ABCC4: variants seen among roughly 807,000 people sequenced by gnomAD.
ABCC4 encodes the protein ATP binding cassette subfamily C member 4 (PEL blood group).
In ABCC4, 102 loss-of-function variants were observed where a neutral mutation model predicts 168.5. That is an observed-to-expected ratio of 0.61 (90% CI 0.52 to 0.71). The LOEUF (loss-of-function observed/expected upper bound fraction) is 0.71. Among genes scored for constraint, ABCC4 ranks in the 30% least tolerant of loss-of-function variants. The pLI is 0.00. For missense variants in ABCC4, 1,402 were observed against 1,605.8 expected, an observed-to-expected ratio of 0.87 and a Z score of 2.17; for synonymous variants, 617 against 590.7, an observed-to-expected ratio of 1.04 and a Z score of -0.65.
intron 20 of ABCC4, among the ~76,000 whole-genome samples, chr13:95,096,980 C>T (rs1479473105): frequency 6.6e-6 from 1 of 152,022 alleles, no homozygotes; most frequent in African/African-American, 2.4e-5. Flanking sequence ...TTATTTAAAG[C>T]AAAATGGACC....
chr13:95,037,452 A>T (rs2032170647), intron 29 of ABCC4, among the ~76,000 whole-genome samples: 1 of 152,236 alleles, frequency 6.6e-6, no homozygotes, highest in South Asian at 2.1e-4. Context: ...AGATTCAAAG[A>T]TGAGCAAGAA....
intron 26 of ABCC4, among the ~76,000 whole-genome samples, chr13:95,061,743 G>C (rs1342022723): frequency 3.3e-5 from 5 of 152,006 alleles, no homozygotes; most frequent in East Asian, 3.9e-4. Context: ...ATATGTGGAG[G>C]TGTTAAAGTG....
At position 95,083,183 on chromosome 13, in the gene ABCC4, A is replaced by G. The variant is rs749012655; in HGVS notation, c.2643T>C (p.Tyr881=). 1 of 1,614,090 alleles carries G rather than the reference A, an allele frequency of 6.2e-7. No homozygotes were observed. Among genetic ancestry groups the G allele is most frequent in the Non-Finnish European group, 8.5e-7 (1 of 1,179,976 alleles). The change falls in exon 21 of 31, where the codon TAT becomes TAC. Residue 881 remains tyrosine, a synonymous_variant. Coordinates refer to ENST00000645237, the MANE Select transcript of ABCC4 (RefSeq NM_005845.5). The part of the protein sequence containing the change: ...LGIIFIFLRR[Y]FLETSRDVKR... The stretch of plus-strand genomic sequence containing the variant: ...TCACATCTCTTGACGTTTCCAAAAA[A>G]TATCGCCGAAGAAAAATGAAAATGA...
chr13:95,218,204 T>C (rs1388166355), intron 4 of ABCC4, among the ~76,000 whole-genome samples: 2 of 152,242 alleles, frequency 1.3e-5, no homozygotes, highest in Non-Finnish European at 1.5e-5. Flanking sequence ...GTTTAATCAC[T>C]TGAAGCAGAA....
intron 1 of ABCC4, chr13:95,269,417 C>T (rs1670932918): frequency 4.1e-6 from 1 of 241,484 alleles, no homozygotes; most frequent in Non-Finnish European, 7.7e-6. Context: ...CACAGCGAGA[C>T]TCCATCTCAA....
At chr13:95,210,092 A>C (rs1039870709) in intron 5 of ABCC4, among the ~76,000 whole-genome samples, 8 of 152,234 alleles carry the variant, frequency 5.3e-5, no homozygotes, top group Non-Finnish European at 7.3e-5. Context: ...ATGAATGAAT[A>C]ATTGGAAAAA....
intron 4 of ABCC4, among the ~76,000 whole-genome samples, chr13:95,231,152 G>A (rs2039610306): frequency 6.6e-6 from 1 of 152,260 alleles, no homozygotes; most frequent in Non-Finnish European, 1.5e-5. Flanking sequence ...GTGCCTAATG[G>A]GTACAGAGTT....
chr13:95,170,595 T>C lies in ABCC4; in HGVS notation c.1761A>G (p.Thr587=). The C allele has an allele frequency of 6.2e-7, 1 of 1,612,210 alleles. No individual in the cohort carries two copies. The highest frequency in any genetic ancestry group is 8.5e-7 in the Non-Finnish European group (1 of 1,179,640). The change falls in exon 14 of 31, where the codon ACA becomes ACG. Residue 587 remains threonine, a synonymous_variant. Coordinates refer to ENST00000645237, the MANE Select transcript of ABCC4 (RefSeq NM_005845.5). ...ACTGCAACTGATGAGTCACTAAAAT[T>C]GTGATCTTCTCATGCAAAATTTGAC... is the stretch of plus-strand genomic sequence containing the variant. The part of the protein sequence containing the change: ...CICQILHEKI[T]ILVTHQLQYL...
At chr13:95,222,770 T>A (rs2039343376) in intron 4 of ABCC4, among the ~76,000 whole-genome samples, 1 of 152,164 alleles carries the variant, frequency 6.6e-6, no homozygotes, top group African/African-American at 2.4e-5. Flanking sequence ...TCAAGAGCAC[T>A]ATCCAGAGAA....
rs1393736682 is a variant in ABCC4, at chr13:95,209,555, C to T, written c.664G>A (p.Ala222Thr). 6.2e-7 allele frequency: 1 copy of T among 1,614,102 alleles called. No individual in the cohort carries two copies. The highest frequency in any genetic ancestry group is 2.2e-5 in the East Asian group (1 of 44,882). The part of the protein sequence containing the change: ...LHFLWAGPLQ[A>T]IAVTALLWME... ...CAGAGTAGGGCAGTCACTGCAATCG[C>T]CTGCAGTGGTCCTGCCCACAGGAAG... The change falls in exon 6 of 31, where the codon GCG becomes ACG. Residue 222 changes from alanine (A) to threonine (T), a missense_variant. Coordinates refer to ENST00000645237, the MANE Select transcript of ABCC4 (RefSeq NM_005845.5).
At chr13:95,077,838 G>A (rs1751045) in intron 21 of ABCC4, among the ~76,000 whole-genome samples, 36,509 of 152,082 alleles carry the variant, frequency 0.24, 4,903 homozygotes, top group Middle Eastern at 0.35. Context: ...CACAGACACT[G>A]CACATTTGGG....
intron 1 of ABCC4, among the ~76,000 whole-genome samples, chr13:95,293,623 C>T (rs550864286): frequency 6.6e-5 from 10 of 151,410 alleles, no homozygotes; most frequent in African/African-American, 2.2e-4. Flanking sequence ...CATGCCACCA[C>T]GCCCAGCTAA....
At chr13:95,218,812 C>T (rs191259452) in intron 4 of ABCC4, among the ~76,000 whole-genome samples, 6 of 150,454 alleles carry the variant, frequency 4.0e-5, no homozygotes, top group Admixed American at 3.3e-4. Context: ...AATCATCCCA[C>T]TGGAATCCAG....
chr13:95,191,254 C>T (rs902627589), intron 9 of ABCC4, among the ~76,000 whole-genome samples: 12 of 152,086 alleles, frequency 7.9e-5, no homozygotes, highest in South Asian at 2.1e-4. Flanking sequence ...GTCACATATC[C>T]GAATAATCAC....
intron 20 of ABCC4, among the ~76,000 whole-genome samples, chr13:95,085,332 C>T (rs1308143409): frequency 6.6e-6 from 1 of 151,800 alleles, no homozygotes; most frequent in South Asian, 2.1e-4. Flanking sequence ...CCCAGCTACT[C>T]GAGAGGCTGA....
chr13:95,185,262 A>T (rs2038022169), intron 11 of ABCC4, among the ~76,000 whole-genome samples: 1 of 152,224 alleles, frequency 6.6e-6, no homozygotes, highest in Non-Finnish European at 1.5e-5. Context: ...AGAGAAAAAA[A>T]AATAAGACCT....
chr13:95,054,072 G>GA (rs2032963707), intron 26 of ABCC4: 1 of 96,056 alleles, frequency 1.0e-5, no homozygotes, highest in Non-Finnish European at 1.8e-5. Flanking sequence ...TTGGCCAAAG[G>GA]AGATCTAAAC....
At chr13:95,032,046 TA>T (rs1293518234) in intron 30 of ABCC4, among the ~76,000 whole-genome samples, 2 of 152,206 alleles carry the variant, frequency 1.3e-5, no homozygotes, top group African/African-American at 4.8e-5. Context: ...GATCGGGTTT[TA>T]TGAGGGAAGC....
chr13:95,056,246 G>C (rs2033050569), intron 26 of ABCC4, among the ~76,000 whole-genome samples: 1 of 152,170 alleles, frequency 6.6e-6, no homozygotes, highest in African/African-American at 2.4e-5. Context: ...GCTGCTGCCT[G>C]ATGTCCTCAG....
Sources: gnomAD v4.1 joint callset for allele counts (sites outside exome capture counted in the v4.1 genomes callset) on GRCh38, gnomAD v4.1.1 for gene constraint, MANE v1.5 for transcripts, NCBI Gene and HGNC (gene_info 2026-07-23, HGNC 2026-07-21) for gene names.